KDM4B: variants seen among roughly 807,000 people sequenced by gnomAD.
KDM4B encodes lysine-specific demethylase 4B.
A neutral mutation model predicts 125.2 loss-of-function variants in KDM4B; 32 were observed. The observed-to-expected ratio is 0.26, with a 90% CI of 0.19 to 0.34. The LOEUF is 0.34. KDM4B is among the 10% of genes least tolerant of loss of function. The probability of loss-of-function intolerance (pLI) is 1.00; values close to 1 mark genes in which losing one functional copy is unlikely to be tolerated. For missense variants in KDM4B, 1,190 were observed against 1,577.7 expected (o/e 0.75, Z 4.16); for synonymous variants, 721 against 677.9 (o/e 1.06, Z -0.99).
chr19:5,146,259 GC>G (rs1303563214), intron 21 of KDM4B, among the ~76,000 whole-genome samples: 1 of 151,444 alleles, frequency 6.6e-6, no homozygotes, highest in Non-Finnish European at 1.5e-5. Context: ...CGCCGTGCAG[GC>G]CGGCCCCGCC....
chr19:5,000,646 C>T (rs2035355396), intron 1 of KDM4B, among the ~76,000 whole-genome samples: 1 of 152,204 alleles, frequency 6.6e-6, no homozygotes, highest in Non-Finnish European at 1.5e-5. Context: ...CAAAGACATA[C>T]AGTCCCAAAC....
chr19:5,124,432 G>T (rs1161111832), intron 11 of KDM4B, among the ~76,000 whole-genome samples: 2 of 152,168 alleles, frequency 1.3e-5, no homozygotes, highest in Non-Finnish European at 2.9e-5. Context: ...TGGGTTCTCA[G>T]TGGGGCCTCC....
chr19:5,003,665 T>C (rs2035462697), intron 1 of KDM4B, among the ~76,000 whole-genome samples: 1 of 151,870 alleles, frequency 6.6e-6, no homozygotes, highest in Non-Finnish European at 1.5e-5. Flanking sequence ...AAAAATTAGC[T>C]GGGCATGGTG....
chr19:4,988,377 G>A (rs1378525619), intron 1 of KDM4B, among the ~76,000 whole-genome samples: 5 of 152,096 alleles, frequency 3.3e-5, no homozygotes, highest in Non-Finnish European at 5.9e-5. Flanking sequence ...CTGGGTTCAC[G>A]CCATTCTCCT....
chr19:5,022,508 A>T (rs2036155041), intron 2 of KDM4B, among the ~76,000 whole-genome samples: 1 of 152,004 alleles, frequency 6.6e-6, no homozygotes, highest in Non-Finnish European at 1.5e-5. Context: ...TGGAAATCCC[A>T]CCTGTCAGAG....
chr19:5,080,962 A>G (rs1481246150), intron 8 of KDM4B: 1 of 152,252 alleles, frequency 6.6e-6, no homozygotes, highest in Admixed American at 6.5e-5. Context: ...CCTGCCGTAC[A>G]ACGCCATTCA....
chr19:5,085,830 C>T (rs562130311), intron 9 of KDM4B, among the ~76,000 whole-genome samples: 3 of 152,232 alleles, frequency 2.0e-5, no homozygotes, highest in Non-Finnish European at 4.4e-5. Context: ...CAGCCGGCCC[C>T]TGACTCTGGC....
chr19:5,015,391 A>C (rs1419096242), intron 1 of KDM4B, among the ~76,000 whole-genome samples: 1 of 152,164 alleles, frequency 6.6e-6, no homozygotes, highest in Non-Finnish European at 1.5e-5. Context: ...AGCTGGGATT[A>C]CAGGTGCACA....
At chr19:5,038,993 G>A (rs993845243) in intron 3 of KDM4B, among the ~76,000 whole-genome samples, 1 of 152,266 alleles carries the variant, frequency 6.6e-6, no homozygotes, top group African/African-American at 2.4e-5. Context: ...GCCAAGTGGA[G>A]CCACTGGGGA....
At chr19:5,137,935 C>G in intron 17 of KDM4B, 27 bp from the exon 18 acceptor site, 1 of 1,590,032 alleles carries the variant, frequency 6.3e-7, no homozygotes. Flanking sequence ...AGAGGCGCAC[C>G]TGACCCCGCT....
intron 1 of KDM4B, among the ~76,000 whole-genome samples, chr19:4,979,683 C>A (rs569203189): frequency 4.6e-5 from 7 of 152,228 alleles, no homozygotes; most frequent in African/African-American, 1.7e-4. Context: ...CAACTATTGG[C>A]GTCAGTGTGC....
intron 2 of KDM4B, among the ~76,000 whole-genome samples, chr19:5,022,082 C>A (rs1430738052): frequency 6.6e-6 from 1 of 152,200 alleles, no homozygotes; most frequent in Non-Finnish European, 1.5e-5. Context: ...GAGCATTGAG[C>A]TTGGATCAAA....
chr19:4,988,172 T>TC (rs371610906), intron 1 of KDM4B, among the ~76,000 whole-genome samples: 16 of 152,254 alleles, frequency 1.1e-4, no homozygotes, highest in African/African-American at 3.4e-4. Context: ...GGCTGCGGGC[T>TC]CCTCCCCACG....
At chr19:5,124,390 A>G (rs2039415006) in intron 11 of KDM4B, among the ~76,000 whole-genome samples, 1 of 152,118 alleles carries the variant, frequency 6.6e-6, no homozygotes, top group South Asian at 2.1e-4. Context: ...GAAGGCTTTT[A>G]CAGAGTGGAG....
At chr19:5,123,293 G>A (rs1452751218) in intron 11 of KDM4B, among the ~76,000 whole-genome samples, 2 of 152,230 alleles carry the variant, frequency 1.3e-5, no homozygotes, top group African/African-American at 4.8e-5. Flanking sequence ...CTGTGGAAGC[G>A]GGAAGGTCAC....
chr19:5,066,108 T>C (rs2037761691), intron 6 of KDM4B, among the ~76,000 whole-genome samples: 1 of 152,228 alleles, frequency 6.6e-6, no homozygotes, highest in Non-Finnish European at 1.5e-5. Flanking sequence ...GCCGCGGGGC[T>C]CAGCCTCAGT....
intron 18 of KDM4B, chr19:5,138,453 A>C: frequency 4.8e-6 from 1 of 208,156 alleles, no homozygotes; most frequent in Non-Finnish European, 9.8e-6. Context: ...TAATAATTAT[A>C]ACAAGCCTGG....
At chr19:5,106,167 G>A (rs1043620552) in intron 9 of KDM4B, among the ~76,000 whole-genome samples, 3 of 152,204 alleles carry the variant, frequency 2.0e-5, no homozygotes, top group Admixed American at 1.3e-4. Context: ...CCTGTAGACC[G>A]CATCTTGCCA....
At chr19:5,136,870 T>C (rs1414843293) in intron 15 of KDM4B, among the ~76,000 whole-genome samples, 1 of 152,150 alleles carries the variant, frequency 6.6e-6, no homozygotes, top group Non-Finnish European at 1.5e-5. Flanking sequence ...CATCCCACAG[T>C]GAGTCTCCCT....
Sources: gnomAD v4.1 joint callset for allele counts (sites outside exome capture counted in the v4.1 genomes callset) on GRCh38, gnomAD v4.1.1 for gene constraint, MANE v1.5 for transcripts, NCBI Gene and HGNC (gene_info 2026-07-23, HGNC 2026-07-21) for gene names.